Variants in C13orf46 observed in about 807,000 individuals in gnomAD.
The protein encoded by C13orf46 is chromosome 13 open reading frame 46, also known as uncharacterized protein C13orf46.
chr13:113,945,650 AAGAAAGAAAG>A, the C13orf46 span, among the ~76,000 whole-genome samples: 1 of 138,372 alleles, frequency 7.2e-6, no homozygotes, highest in African/African-American at 2.6e-5. Flanking sequence ...GAAAGAAAGA[AAGAAAGAAAG>A]AAAGAAAGAA....
chr13:113,941,554 G>A, the C13orf46 span, among the ~76,000 whole-genome samples: 18 of 152,158 alleles, frequency 1.2e-4, no homozygotes, highest in Admixed American at 1.2e-3. Flanking sequence ...TCGATACCCT[G>A]GTCTCTGGGA....
chr13:113,971,771 G>A (rs915684132), intron 1 of C13orf46, among the ~76,000 whole-genome samples: 3 of 152,222 alleles, frequency 2.0e-5, no homozygotes, highest in African/African-American at 4.8e-5. Context: ...GAGGGGTGAG[G>A]AGCTGAGTCC....
rs1414339009 is a variant in C13orf46, at chr13:113,965,769, GGTGA to G, written c.505-779_505-776del. 5.3e-3 allele frequency among the ~76,000 whole-genome samples: 796 copies of G among 151,058 alleles called. 16 individuals carry two copies. The highest frequency in any genetic ancestry group is 0.018 in the African/African-American group (727 of 40,914). On this transcript the variant is annotated intron_variant, in intron 5 of 6. Coordinates refer to ENST00000636427, the MANE Select transcript of C13orf46 (RefSeq NM_001365455.2). ...TGGTGATGATGGTGATGGTGATGAT[GGTGA>G]TGGTGATGATGGTAATTATAATGGT...
the C13orf46 span, among the ~76,000 whole-genome samples, chr13:113,932,311 G>A: frequency 9.2e-4 from 140 of 152,312 alleles, no homozygotes; most frequent in African/African-American, 3.3e-3. Flanking sequence ...TGGCCGAACC[G>A]TTCCCTGTGG....
chr13:113,944,555 C>CAGGACTGT, the C13orf46 span, among the ~76,000 whole-genome samples: 2 of 151,580 alleles, frequency 1.3e-5, no homozygotes, highest in African/African-American at 4.9e-5. Context: ...ATGAGTCCTG[C>CAGGACTGT]AGGTGTGTGC....
the C13orf46 span, among the ~76,000 whole-genome samples, chr13:113,930,418 C>CGAGGCGGGGGCGCGGGAGCACT: frequency 2.5e-5 from 3 of 119,424 alleles, no homozygotes; most frequent in Non-Finnish European, 5.3e-5. Flanking sequence ...GCAGGAGCAC[C>CGAGGCGGGGGCGCGGGAGCACT]GAGGCGGGGG....
At chr13:113,962,101 G>A (rs1291274010) in intron 6 of C13orf46, among the ~76,000 whole-genome samples, 1 of 152,194 alleles carries the variant, frequency 6.6e-6, no homozygotes, top group Non-Finnish European at 1.5e-5. Context: ...TCCAGATCAT[G>A]CTAATTAAAA....
At chr13:113,929,524 C>T in the C13orf46 span, among the ~76,000 whole-genome samples, 2,715 of 152,340 alleles carry the variant, frequency 0.018, 58 homozygotes, top group African/African-American at 0.058. Context: ...TTCAGGCACA[C>T]GGTGCCCTGT....
chr13:113,966,491 T>A (rs1223334354), intron 5 of C13orf46, among the ~76,000 whole-genome samples: 1 of 151,566 alleles, frequency 6.6e-6, no homozygotes, highest in African/African-American at 2.4e-5. Context: ...ATGATGATGG[T>A]GATGGTGATT....
the C13orf46 span, among the ~76,000 whole-genome samples, chr13:113,937,029 G>A: frequency 6.6e-6 from 1 of 152,180 alleles, no homozygotes; most frequent in Non-Finnish European, 1.5e-5. Context: ...TACAAAGGCT[G>A]TTGAGTTTTG....
At chr13:113,942,119 G>C in the C13orf46 span, among the ~76,000 whole-genome samples, 1 of 152,256 alleles carries the variant, frequency 6.6e-6, no homozygotes, top group Admixed American at 6.5e-5. Flanking sequence ...AAAACGCACA[G>C]AGGCCGTGCT....
At chr13:113,967,537 T>G (rs1335216236) in intron 4 of C13orf46, 149 bp from the exon 5 acceptor site, 2 of 152,370 alleles carry the variant, frequency 1.3e-5, no homozygotes, top group African/African-American at 4.8e-5. Flanking sequence ...ATCCTGGCAA[T>G]GCTGAACGAG....
At chr13:113,937,846 T>C in the C13orf46 span, among the ~76,000 whole-genome samples, 66 of 152,216 alleles carry the variant, frequency 4.3e-4, no homozygotes, top group African/African-American at 1.6e-3. Flanking sequence ...TGCCTGAGTC[T>C]GGCTCAGTGA....
chr13:113,927,986 TC>T, the C13orf46 span: 39 of 212,740 alleles, frequency 1.8e-4, no homozygotes, highest in East Asian at 3.2e-3. Context: ...ATGCTGCCGA[TC>T]CTCTGCGGTA....
At chr13:113,927,973 G>T in the C13orf46 span, 1 of 227,312 alleles carries the variant, frequency 4.4e-6, no homozygotes, top group East Asian at 8.2e-5. Flanking sequence ...CCCTGAGAGA[G>T]GAATGCTGCC....
rs992391963 is a variant in C13orf46, at chr13:113,954,227, C to T, written c.*2546G>A. 4.6e-5 allele frequency: 7 copies of T among 152,274 alleles called. No individual in the cohort carries two copies. Among genetic ancestry groups the T allele is most frequent in the East Asian group, 1.9e-4 (1 of 5,196 alleles). The allele number at this position is 152,274 out of a possible 1,614,324, so 9.4% of individuals were successfully genotyped here. On this transcript the variant is annotated 3_prime_UTR_variant, in exon 7 of 7. Transcript: ENST00000636427. ...GAATAGACAGTGCACACAGCATCTCCGCCTGTGGCCTCTGACTGCCTTAGA... is the reference window on the plus strand; with the variant it reads ...GAATAGACAGTGCACACAGCATCTCTGCCTGTGGCCTCTGACTGCCTTAGA...
the C13orf46 span, among the ~76,000 whole-genome samples, chr13:113,936,256 C>T: frequency 8.5e-5 from 13 of 152,332 alleles, no homozygotes; most frequent in Admixed American, 7.8e-4. Context: ...AGGCAACATC[C>T]ATGAGTGTTG....
the C13orf46 span, among the ~76,000 whole-genome samples, chr13:113,945,571 A>AG: frequency 1.5e-3 from 105 of 72,282 alleles, 1 homozygote; most frequent in African/African-American, 5.5e-3. Context: ...GAAAGAAAGA[A>AG]AGAAAGAGAG....
chr13:113,945,784 C>T, the C13orf46 span, among the ~76,000 whole-genome samples: 262 of 152,212 alleles, frequency 1.7e-3, 1 homozygote, highest in Non-Finnish European at 2.0e-3. Flanking sequence ...TGGGAGGCGT[C>T]GAATCGTCAG....
Sources: gnomAD v4.1 joint callset for allele counts (sites outside exome capture counted in the v4.1 genomes callset) on GRCh38, gnomAD v4.1.1 for gene constraint, MANE v1.5 for transcripts, NCBI Gene and HGNC (gene_info 2026-07-23, HGNC 2026-07-21) for gene names.